The following HMCN1 variants were observed in gnomAD, a reference collection of about 807,000 sequenced individuals.
HMCN1 encodes hemicentin-1.
A neutral mutation model predicts 625.9 loss-of-function variants in HMCN1; 321 were observed. That is an observed-to-expected ratio of 0.51 (90% CI 0.47 to 0.56). The LOEUF (loss-of-function observed/expected upper bound fraction) is 0.56, where lower values mean the gene tolerates loss of function less well. Among genes scored for constraint, HMCN1 ranks in the 20% least tolerant of loss-of-function variants. HMCN1 has a pLI of 0.00. For synonymous variants in HMCN1, 2,425 were observed against 2,417.6 expected, an observed-to-expected ratio of 1.00 and a Z score of -0.09; for missense variants, 6,588 against 6,887.3, an observed-to-expected ratio of 0.96 and a Z score of 1.54.
At chr1:185,740,489 T>C (rs527305339) in intron 1 of HMCN1, among the ~76,000 whole-genome samples, 1 of 152,268 alleles carries the variant, frequency 6.6e-6, no homozygotes, top group East Asian at 1.9e-4. Context: ...ACTGATGCTA[T>C]GGTTTGGATA....
intron 1 of HMCN1, among the ~76,000 whole-genome samples, chr1:185,761,885 G>T (rs1182334076): frequency 2.0e-5 from 3 of 152,088 alleles, no homozygotes. Flanking sequence ...CCCCCCAGGT[G>T]CTAAATTTAA....
intron 35 of HMCN1, among the ~76,000 whole-genome samples, chr1:186,019,905 T>C (rs1388203384): frequency 6.6e-6 from 1 of 152,034 alleles, no homozygotes; most frequent in Non-Finnish European, 1.5e-5. Context: ...TTAACAATGA[T>C]ACTGATTTGA....
rs1025822155 is a variant in HMCN1, at chr1:186,057,939, C to T, written c.7312+538C>T. ...CTTGTCATTTGTGGATCAATATAAG[C>T]GTAGAGAGAGGCAAGCTGCAGAAAT... On this transcript the variant is annotated intron_variant, in intron 46 of 106. Transcript: ENST00000271588. Among the ~76,000 whole-genome samples, 4 of 151,968 alleles carry T rather than the reference C, an allele frequency of 2.6e-5. No individual in the cohort carries two copies. The South Asian group carries it at 8.3e-4, about 32-fold the overall frequency.
At position 186,090,800 on chromosome 1, in the gene HMCN1, G is replaced by C. The variant is rs1045654758; in HGVS notation, c.9770G>C (p.Ser3257Thr). 1.2e-6 allele frequency: 2 copies of C among 1,612,494 alleles called. No individual in the cohort carries two copies. Among genetic ancestry groups the C allele is most frequent in the Non-Finnish European group, 1.7e-6 (2 of 1,179,054 alleles). The change falls in exon 64 of 107, where the codon AGT becomes ACT. Residue 3257 changes from serine (S) to threonine (T), a missense_variant. By Grantham distance (58) the Ser-to-Thr change is moderately conservative. This residue lies in a region of HMCN1 where 4,628 missense variants were observed against 4,853.1 expected (regional missense o/e 0.95). Transcript: ENST00000271588. ...VAGAEIPSDV[S>T]VLLGENVELV... ...GGTGCTGAAATTCCAAGTGATGTCA[G>C]TGTCCTTCTAGGAGAAAATGTTGAG...
chr1:185,866,854 T>A (rs1274889520), intron 4 of HMCN1, among the ~76,000 whole-genome samples: 1 of 152,170 alleles, frequency 6.6e-6, no homozygotes, highest in Non-Finnish European at 1.5e-5. Flanking sequence ...TTATTTTTAT[T>A]TTTTGTTTAG....
intron 47 of HMCN1, 32 bp from the exon 48 acceptor site, chr1:186,062,482 G>C (rs1464195736): frequency 7.8e-7 from 1 of 1,289,672 alleles, no homozygotes; most frequent in Non-Finnish European, 1.1e-6. Context: ...GCTGTTAAGA[G>C]CTGTTATTTT....
At chr1:185,741,994 A>C (rs1232574448) in intron 1 of HMCN1, among the ~76,000 whole-genome samples, 2 of 152,200 alleles carry the variant, frequency 1.3e-5, no homozygotes, top group African/African-American at 4.8e-5. Flanking sequence ...GTGTCCAACT[A>C]CCGGAATGGT....
chr1:185,754,855 T>A (rs1457579975), intron 1 of HMCN1, among the ~76,000 whole-genome samples: 1 of 151,950 alleles, frequency 6.6e-6, no homozygotes, highest in Admixed American at 6.6e-5. Flanking sequence ...CTCAAAAAAA[T>A]AATAAAATAA....
At chr1:186,063,290 G>A (rs1479868075) in intron 48 of HMCN1, among the ~76,000 whole-genome samples, 2 of 151,114 alleles carry the variant, frequency 1.3e-5, no homozygotes, top group Admixed American at 6.6e-5. Flanking sequence ...TACTATAATT[G>A]GCATTTGAAA....
intron 1 of HMCN1, among the ~76,000 whole-genome samples, chr1:185,782,680 C>G (rs1001545536): frequency 1.3e-5 from 2 of 152,236 alleles, no homozygotes; most frequent in Admixed American, 6.5e-5. Flanking sequence ...TGGCCCCACT[C>G]TCTTCTGGCT....
intron 37 of HMCN1, 105 bp downstream of exon 37, chr1:186,038,140 T>C: frequency 2.7e-6 from 2 of 749,248 alleles, no homozygotes; most frequent in South Asian, 2.9e-5. Flanking sequence ...GAACAGGTTA[T>C]AGAATACATT....
chr1:185,900,962 A>G (rs746341928), intron 4 of HMCN1, among the ~76,000 whole-genome samples: 9 of 151,978 alleles, frequency 5.9e-5, no homozygotes, highest in Non-Finnish European at 8.8e-5. Flanking sequence ...CAGTTAAGTC[A>G]TGAAGGTAAA....
chr1:185,849,823 A>C (rs1410866774), intron 2 of HMCN1, among the ~76,000 whole-genome samples: 1 of 151,196 alleles, frequency 6.6e-6, no homozygotes. Context: ...TTTTTTTGAC[A>C]TTTTTTTTCA....
intron 11 of HMCN1, among the ~76,000 whole-genome samples, chr1:185,960,632 G>A (rs1392397932): frequency 6.6e-6 from 1 of 152,156 alleles, no homozygotes; most frequent in Non-Finnish European, 1.5e-5. Flanking sequence ...GAAATACAGA[G>A]CCTACCAGTG....
intron 1 of HMCN1, among the ~76,000 whole-genome samples, chr1:185,752,842 A>T (rs1325596560): frequency 6.6e-6 from 1 of 152,194 alleles, no homozygotes; most frequent in Non-Finnish European, 1.5e-5. Context: ...TTAGGCTAGC[A>T]TAACCCTGGT....
chr1:186,106,839 A>G (rs1160196206), intron 69 of HMCN1, 45 bp from the exon 70 acceptor site: 4 of 1,290,274 alleles, frequency 3.1e-6, no homozygotes, highest in Non-Finnish European at 4.5e-6. Flanking sequence ...TAATAACAAA[A>G]GCTAACATGT....
At chr1:185,994,405 T>C (rs1652642473) in intron 23 of HMCN1, among the ~76,000 whole-genome samples, 1 of 152,166 alleles carries the variant, frequency 6.6e-6, no homozygotes, top group Admixed American at 6.6e-5. Flanking sequence ...AGAAACTGAG[T>C]ACATGGAGAG....
In HMCN1 at chr1:185,896,671, T is replaced by G. The variant is rs193021250; in HGVS notation, c.622-12666T>G. ...GGATGCCTCAAAACTTTGGTCAAGCTGAATCTCAGTGTTAGATAATCATAG... is the reference window on the plus strand; with the variant it reads ...GGATGCCTCAAAACTTTGGTCAAGCGGAATCTCAGTGTTAGATAATCATAG... On this transcript the variant is annotated intron_variant, in intron 4 of 106. Coordinates refer to ENST00000271588, the MANE Select transcript of HMCN1 (RefSeq NM_031935.3). 1.1e-3 allele frequency among the ~76,000 whole-genome samples: 172 copies of G among 152,306 alleles called. 1 individual carries two copies. The highest frequency in any genetic ancestry group is 0.011 in the Admixed American group (169 of 15,296).
rs1456261595 is a variant in HMCN1 at position 185,909,525 on chromosome 1, A to T, written c.793+17A>T. 9 of 1,604,548 alleles carry T rather than the reference A, an allele frequency of 5.6e-6. No individual in the cohort carries two copies. The South Asian group carries it at 7.7e-5, about 14-fold the overall frequency. On this transcript the variant is annotated intron_variant, in intron 5 of 106. Transcript: ENST00000271588. ...ATCCTTTAGGTGAGATATATCAAAC[A>T]TCACATAATAAAATACAAAATACAT...
Sources: gnomAD v4.1 joint callset for allele counts (sites outside exome capture counted in the v4.1 genomes callset) on GRCh38, gnomAD v4.1.1 for gene constraint, gnomAD v4.1.1 regional missense constraint, MANE v1.5 for transcripts, NCBI Gene and HGNC (gene_info 2026-07-23, HGNC 2026-07-21) for gene names.